Variants in ANO3 observed in about 807,000 individuals in gnomAD.
ANO3 encodes anoctamin 3.
Under a neutral mutation model 144.8 loss-of-function variants are expected in ANO3, and 99 were observed. That is an observed-to-expected ratio of 0.68 (90% confidence interval 0.58 to 0.81). The LOEUF is 0.81. Ranked by LOEUF, ANO3 falls within the 30% of genes least tolerant of loss-of-function variation. The pLI is 0.00. For synonymous variants in ANO3, 414 were observed against 392.6 expected, an observed-to-expected ratio of 1.05 and a Z score of -0.64; for missense variants, 905 against 1,202.2, an observed-to-expected ratio of 0.75 and a Z score of 3.66.
At chr11:26,450,289 C>T (rs1021715824) in intron 3 of ANO3, among the ~76,000 whole-genome samples, 1 of 152,140 alleles carries the variant, frequency 6.6e-6, no homozygotes, top group Non-Finnish European at 1.5e-5. Flanking sequence ...AAAACACTAG[C>T]ACACTGACAC....
intron 1 of ANO3, among the ~76,000 whole-genome samples, chr11:26,375,857 G>A (rs139892742): frequency 2.6e-5 from 4 of 152,198 alleles, no homozygotes; most frequent in South Asian, 2.1e-4. Context: ...AGCAGCAGCA[G>A]CAACAACAAC....
rs1474939803 is a variant in ANO3, at chr11:26,525,683, G to C, written c.737+4G>C. ...GGAGGAGCAAATCAATGGGCAGGTT[G>C]GTGGGTGATGAATCATTTCTTTATA... On this transcript the variant is annotated splice_donor_region_variant and intron_variant, in intron 7 of 26. Transcript: ENST00000256737. 1.9e-5 allele frequency: 30 copies of C among 1,607,204 alleles called. No individual in the cohort carries two copies. The highest frequency in any genetic ancestry group is 2.7e-5 in the African/African-American group (2 of 74,632).
intron 1 of ANO3, among the ~76,000 whole-genome samples, chr11:26,274,666 T>C (rs189263188): frequency 6.6e-6 from 1 of 152,258 alleles, no homozygotes; most frequent in East Asian, 1.9e-4. Flanking sequence ...AATGGCTACA[T>C]ACAAATGACA....
chr11:26,526,066 T>C (rs969412740), intron 7 of ANO3, among the ~76,000 whole-genome samples: 18 of 152,092 alleles, frequency 1.2e-4, no homozygotes, highest in African/African-American at 4.3e-4. Flanking sequence ...AGTTCTCTCA[T>C]TTGAAAGAAG....
At chr11:26,473,434 G>A (rs1363518833) in intron 4 of ANO3, among the ~76,000 whole-genome samples, 5 of 151,826 alleles carry the variant, frequency 3.3e-5, no homozygotes, top group East Asian at 3.9e-4. Context: ...ACAATACAAT[G>A]CAATGTCAAG....
chr11:26,524,528 A>G (rs1414340774), intron 6 of ANO3, among the ~76,000 whole-genome samples: 1 of 149,052 alleles, frequency 6.7e-6, no homozygotes, highest in African/African-American at 2.4e-5. Flanking sequence ...ACCACAGCAT[A>G]GAGGAGCTTA....
At chr11:26,486,605 A>G (rs537060453) in intron 4 of ANO3, among the ~76,000 whole-genome samples, 1 of 152,284 alleles carries the variant, frequency 6.6e-6, no homozygotes, top group South Asian at 2.1e-4. Flanking sequence ...TTTGGTAACA[A>G]GAAGCTATAC....
chr11:26,561,115 G>A lies in ANO3; in HGVS notation c.1447+1336G>A, dbSNP rs149979406. ...ATGTCATCCATAGGAATGCCATCAC[G>A]TGCATTTTCTTCACTTTCTGGCATG... On this transcript the variant is annotated intron_variant, in intron 14 of 26. Coordinates refer to ENST00000256737, the MANE Select transcript of ANO3 (RefSeq NM_031418.4). The A allele has an allele frequency of 1.0e-4, 164 of 1,612,604 alleles. 1 individual carries two copies. In the East Asian group the frequency reaches 1.7e-3, roughly 17 times the overall value.
intron 1 of ANO3, among the ~76,000 whole-genome samples, chr11:26,391,367 A>G (rs905713300): frequency 6.6e-6 from 1 of 152,222 alleles, no homozygotes; most frequent in Middle Eastern, 3.4e-3. Flanking sequence ...GAATTAATCC[A>G]TTCATGAAGG....
intron 1 of ANO3, among the ~76,000 whole-genome samples, chr11:26,426,079 A>G (rs1857911195): frequency 6.6e-6 from 1 of 152,184 alleles, no homozygotes; most frequent in Non-Finnish European, 1.5e-5. Context: ...CTTATTACAT[A>G]TAATACATAG....
chr11:26,234,276 A>G (rs1248401264), intron 1 of ANO3, among the ~76,000 whole-genome samples: 1 of 152,090 alleles, frequency 6.6e-6, no homozygotes, highest in East Asian at 1.9e-4. Context: ...TTGTTTTTTC[A>G]TATTCTTAAA....
At chr11:26,289,577 TATCCTATATGTGTGTATATGTACATATAC>T (rs1853893928) in intron 1 of ANO3, among the ~76,000 whole-genome samples, 1 of 116,300 alleles carries the variant, frequency 8.6e-6, no homozygotes, top group African/African-American at 4.1e-5. Flanking sequence ...TATACACATA[TATCCTATATGTGTGTATATGTACATATAC>T]ACACATATAT....
At chr11:26,206,503 T>C (rs1297867318) in intron 1 of ANO3, among the ~76,000 whole-genome samples, 1 of 152,134 alleles carries the variant, frequency 6.6e-6, no homozygotes, top group Admixed American at 6.5e-5. Context: ...TAATAAGAAC[T>C]AATATCTTCA....
intron 11 of ANO3, among the ~76,000 whole-genome samples, chr11:26,546,509 C>A (rs3108883): frequency 0.71 from 108,118 of 151,822 alleles, 38,793 homozygotes; most frequent in East Asian, 0.84. Context: ...TTAAAGTGCC[C>A]ATCTTTATTG....
chr11:26,449,500 C>G (rs1345412829), intron 3 of ANO3, among the ~76,000 whole-genome samples: 4 of 29,088 alleles, frequency 1.4e-4, no homozygotes, highest in African/African-American at 2.8e-4. Flanking sequence ...CACACACACA[C>G]ACACACACAC....
intron 4 of ANO3, among the ~76,000 whole-genome samples, chr11:26,465,124 TTGTGTGTGTGTGTGTGTGTGTG>T (rs36230269): frequency 2.8e-5 from 4 of 145,302 alleles, no homozygotes; most frequent in African/African-American, 1.0e-4. Context: ...CATCATTAAA[TTGTGTGTGTGTGTGTGTGTGTG>T]TGTGTGTGTG....
intron 1 of ANO3, among the ~76,000 whole-genome samples, chr11:26,223,938 C>A (rs535442589): frequency 6.6e-6 from 1 of 152,302 alleles, no homozygotes; most frequent in Admixed American, 6.5e-5. Flanking sequence ...AAACACCTCT[C>A]ACTAGGCTTA....
chr11:26,462,957 A>C, intron 3 of ANO3, 73 bp from the exon 4 acceptor site: 1 of 665,018 alleles, frequency 1.5e-6, no homozygotes, highest in Non-Finnish European at 2.4e-6. Context: ...ATGAAAGAGG[A>C]GAGATTAGTA....
intron 1 of ANO3, among the ~76,000 whole-genome samples, chr11:26,221,847 A>C (rs1852151600): frequency 6.6e-6 from 1 of 152,184 alleles, no homozygotes; most frequent in African/African-American, 2.4e-5. Flanking sequence ...CTCATTGTTA[A>C]AAGGACAGCA....
Sources: allele counts gnomAD v4.1 joint callset (sites outside exome capture counted in the v4.1 genomes callset), GRCh38; gene constraint gnomAD v4.1.1; transcripts MANE v1.5; gene names NCBI Gene and HGNC (gene_info 2026-07-23, HGNC 2026-07-21).